Variants in CSMD1 observed in about 807,000 individuals in gnomAD.
CSMD1 encodes the protein CUB and Sushi multiple domains 1.
A neutral mutation model predicts 417.5 loss-of-function variants in CSMD1; 213 were observed. The ratio of observed to expected loss-of-function variants is 0.51; its 90% CI spans 0.46 to 0.57. The LOEUF is 0.57. Ranked by LOEUF, CSMD1 falls within the 20% of genes least tolerant of loss-of-function variation. The pLI is 0.00. For synonymous variants in CSMD1, 2,862 were observed against 1,736.8 expected (o/e 1.65, Z -16.11); for missense variants, 6,923 against 4,529.7 (o/e 1.53, Z -15.17).
intron 46 of CSMD1, among the ~76,000 whole-genome samples, chr8:3,101,414 C>A (rs1484505356): frequency 3.9e-5 from 6 of 152,204 alleles, no homozygotes; most frequent in African/African-American, 1.4e-4. Flanking sequence ...AGTAATATCT[C>A]CATATAAGGC....
intron 3 of CSMD1, among the ~76,000 whole-genome samples, chr8:4,074,945 T>C (rs1399869779): frequency 5.3e-5 from 8 of 152,142 alleles, no homozygotes; most frequent in Non-Finnish European, 1.2e-4. Context: ...TTATTTATAT[T>C]TTTGTGTGAC....
rs1281362908 is a variant in CSMD1, at chr8:3,197,569, C to T, written c.5194+2145G>A. On this transcript the variant is annotated intron_variant, in intron 33 of 69. Coordinates refer to ENST00000635120, the MANE Select transcript of CSMD1 (RefSeq NM_033225.6). ...CAAGCTCCGCCTCCCGGGTTCACGC[C>T]ATTCTCCTGCCTCAGCCTCCCGAGT... Among the ~76,000 whole-genome samples the T allele has an allele frequency of 2.0e-5, 3 of 150,960 alleles. No individual in the cohort carries two copies. The South Asian group carries it at 6.3e-4, about 32-fold the overall frequency.
chr8:3,836,214 G>C (rs182273582), intron 5 of CSMD1, among the ~76,000 whole-genome samples: 13 of 152,020 alleles, frequency 8.6e-5, no homozygotes, highest in African/African-American at 2.7e-4. Flanking sequence ...CATGTCATCG[G>C]ACATTCTTTA....
rs1421895090 is a variant in CSMD1 at position 3,062,310 on chromosome 8, G to A, written c.7475-9663C>T. 2.0e-5 allele frequency among the ~76,000 whole-genome samples: 3 copies of A among 152,122 alleles called. No homozygotes were observed. The East Asian group carries it at 5.8e-4, about 29-fold the overall frequency. ...ATAGAAAATAACAGCAAGAGAGGAG[G>A]TGCAGTACGGAGCCACCTCTCCACC... On this transcript the variant is annotated intron_variant, in intron 49 of 69. Coordinates refer to ENST00000635120, the MANE Select transcript of CSMD1 (RefSeq NM_033225.6).
chr8:3,829,684 T>C (rs764887969), intron 5 of CSMD1, among the ~76,000 whole-genome samples: 15 of 152,230 alleles, frequency 9.9e-5, no homozygotes, highest in South Asian at 2.1e-4. Flanking sequence ...TATCTTAACA[T>C]GCTTGAGAAA....
chr8:4,901,205 T>G (rs559750259), intron 1 of CSMD1, among the ~76,000 whole-genome samples: 85 of 152,318 alleles, frequency 5.6e-4, no homozygotes, highest in African/African-American at 1.9e-3. Context: ...CCTCTTTTAT[T>G]TTGTAGAAAC....
chr8:4,045,568 G>A (rs550911588), intron 3 of CSMD1, among the ~76,000 whole-genome samples: 2 of 152,276 alleles, frequency 1.3e-5, no homozygotes, highest in East Asian at 1.9e-4. Flanking sequence ...AAGAGGATGT[G>A]CAATGCTTTA....
intron 33 of CSMD1, among the ~76,000 whole-genome samples, chr8:3,193,978 C>T (rs1414502169): frequency 6.6e-6 from 1 of 152,200 alleles, no homozygotes; most frequent in Non-Finnish European, 1.5e-5. Context: ...GTAGGACTCA[C>T]TTGCAATACC....
intron 11 of CSMD1, among the ~76,000 whole-genome samples, chr8:3,470,255 G>C (rs1041155734): frequency 3.3e-5 from 5 of 152,006 alleles, no homozygotes; most frequent in Non-Finnish European, 7.4e-5. Flanking sequence ...TCATGTTATT[G>C]TTTGTAGTAT....
At chr8:3,396,089 T>C in intron 17 of CSMD1, 105 bp downstream of exon 17, 1 of 930,028 alleles carries the variant, frequency 1.1e-6, no homozygotes. Flanking sequence ...TCAAGCAGGA[T>C]CAGTAAACTA....
intron 42 of CSMD1, among the ~76,000 whole-genome samples, chr8:3,114,470 T>C (rs1405979575): frequency 2.7e-5 from 4 of 150,200 alleles, no homozygotes; most frequent in African/African-American, 4.9e-5. Context: ...AATATAAAAA[T>C]ATCTTGACTC....
chr8:4,832,146 T>C (rs866237904), intron 1 of CSMD1, among the ~76,000 whole-genome samples: 1 of 152,162 alleles, frequency 6.6e-6, no homozygotes, highest in African/African-American at 2.4e-5. Context: ...GTTTTCCTGG[T>C]ATTTTAATTA....
chr8:3,791,636 C>T (rs2129067829), intron 5 of CSMD1, among the ~76,000 whole-genome samples: 1 of 152,252 alleles, frequency 6.6e-6, no homozygotes, highest in Middle Eastern at 3.4e-3. Flanking sequence ...CCAGCCTGGT[C>T]AGCATGGCAA....
rs11998150 is a variant in CSMD1 at position 4,124,391 on chromosome 8, A to T, written c.416-92292T>A. ...TTTTCTTCTCCATATCAAAAAGGAG[A>T]CAGGGGATTTGTATTTAATTTTTTT... On this transcript the variant is annotated intron_variant, in intron 3 of 69. Coordinates refer to ENST00000635120, the MANE Select transcript of CSMD1 (RefSeq NM_033225.6). Among the ~76,000 whole-genome samples the T allele has an allele frequency of 5.9e-3, 667 of 113,670 alleles. 9 individuals carry two copies. Among genetic ancestry groups the T allele is most frequent in the African/African-American group, 0.021 (633 of 29,706 alleles). The allele number at this position is 113,670 out of a possible 152,430, so 74.6% of individuals were successfully genotyped here. A position where few individuals can be genotyped will look rare whatever the true frequency, so the allele number is the denominator to read the frequency against.
intron 2 of CSMD1, among the ~76,000 whole-genome samples, chr8:4,559,154 C>G (rs1458489414): frequency 6.6e-6 from 1 of 152,104 alleles, no homozygotes; most frequent in African/African-American, 2.4e-5. Flanking sequence ...GAATCAAGAT[C>G]TGGTCTTTGT....
chr8:4,127,045 G>C (rs985358018), intron 3 of CSMD1, among the ~76,000 whole-genome samples: 8 of 151,600 alleles, frequency 5.3e-5, no homozygotes, highest in Non-Finnish European at 7.4e-5. Context: ...CAAAATCATA[G>C]TTCAAGTTTT....
In CSMD1 at chr8:3,087,159, G is replaced by C; in HGVS notation, c.7412C>G (p.Ala2471Gly). Residue 2471 changes from alanine (A) to glycine (G), a missense_variant, in exon 49 of 70, where the codon GCA becomes GGA. Coordinates refer to ENST00000635120, the MANE Select transcript of CSMD1 (RefSeq NM_033225.6). ...GCCAAGTGGGTTTCGTCTACAGGTT[G>C]CATTGCTGTGGCCGACCATTCGGTA... ...PGYRMVGHSNATCRRNPLGMY... is the reference protein window; with the variant it reads ...PGYRMVGHSNGTCRRNPLGMY... 6.2e-7 allele frequency: 1 copy of C among 1,613,924 alleles called. No homozygotes were observed. Among genetic ancestry groups the C allele is most frequent in the South Asian group, 1.1e-5 (1 of 91,064 alleles).
intron 3 of CSMD1, among the ~76,000 whole-genome samples, chr8:4,044,044 A>G (rs75593573): frequency 0.038 from 5,742 of 152,186 alleles, 341 homozygotes; most frequent in African/African-American, 0.12. Flanking sequence ...AACGCTGAAT[A>G]ATTAGGAGAC....
At chr8:4,970,496 A>T (rs980121963) in intron 1 of CSMD1, among the ~76,000 whole-genome samples, 1 of 152,092 alleles carries the variant, frequency 6.6e-6, no homozygotes, top group Non-Finnish European at 1.5e-5. Flanking sequence ...CCCCATTCTC[A>T]TGGAATAGAG....
Sources: allele counts gnomAD v4.1 joint callset (sites outside exome capture counted in the v4.1 genomes callset), GRCh38; gene constraint gnomAD v4.1.1; transcripts MANE v1.5; gene names NCBI Gene and HGNC (gene_info 2026-07-23, HGNC 2026-07-21).